Variants in RPL10A observed in about 807,000 individuals in gnomAD.
RPL10A encodes ribosomal protein L10a.
Under a neutral mutation model 24.6 loss-of-function variants are expected in RPL10A, and 11 were observed. The ratio of observed to expected loss-of-function variants is 0.45; its 90% CI spans 0.28 to 0.74. The LOEUF (loss-of-function observed/expected upper bound fraction) is 0.74, where lower values mean the gene tolerates loss of function less well. Among genes scored for constraint, RPL10A ranks in the 30% least tolerant of loss-of-function variants. The pLI is 0.13. For synonymous variants in RPL10A, 98 were observed against 108.5 expected (o/e 0.90, Z 0.60); for missense variants, 136 against 273.1 (o/e 0.50, Z 3.54).
rs1767995877 is a variant in RPL10A, at chr6:35,470,093, T to A, written c.311-86T>A. 7.9e-6 allele frequency: 10 copies of A among 1,272,148 alleles called. No homozygotes were observed. The highest frequency in any genetic ancestry group is 1.0e-5 in the Non-Finnish European group (9 of 901,026). The allele number at this position is 1,272,148 out of a possible 1,614,324, so 78.8% of individuals were successfully genotyped here. A position where few individuals can be genotyped will look rare whatever the true frequency, so the allele number is the denominator to read the frequency against. ...CTTGGAGGTCACTTACATGATTGAT[T>A]CAAGTGCGTTTCTGGCCTGCCACAT... On this transcript the variant is annotated intron_variant, in intron 4 of 5. Transcript: ENST00000322203. This position sits in a 1 kb window ranked among gnomAD's most constrained non-coding sequence, Gnocchi z 4.6.
Position 35,470,169 on chromosome 6 carries a change from T to C in RPL10A, c.311-10T>C, listed in dbSNP as rs566943394. The C allele has an allele frequency of 4.0e-5, 64 of 1,609,330 alleles. No homozygotes were observed. In the Middle Eastern group the frequency reaches 8.3e-4, roughly 21 times the overall value. On this transcript the variant is annotated splice_polypyrimidine_tract_variant and intron_variant, in intron 4 of 5. Coordinates refer to ENST00000322203, the MANE Select transcript of RPL10A (RefSeq NM_007104.5). The surrounding 1 kb of genome is among the most constrained non-coding windows in gnomAD (Gnocchi z 4.6). ...TCTAAGCAATGCCAATGGCTTCCTC[T>C]CTCTATCAGCCAAGAAGTATGATGC...
chr6:35,468,551 G>GCGCCACCTGC, intron 1 of RPL10A, 112 bp downstream of exon 1: 1 of 1,604,790 alleles, frequency 6.2e-7, no homozygotes, highest in Non-Finnish European at 8.5e-7. Flanking sequence ...TGCGCCGCGG[G>GCGCCACCTGC]GCATTTCTCA....
chr6:35,469,839 G>A (rs1767988142), intron 4 of RPL10A, among the ~76,000 whole-genome samples: 1 of 152,174 alleles, frequency 6.6e-6, no homozygotes, highest in African/African-American at 2.4e-5. Flanking sequence ...CAGGTAGGAA[G>A]CAGACATTCC....
intron 1 of RPL10A, 44 bp downstream of exon 1, chr6:35,468,483 C>A (rs763489076): frequency 5.6e-6 from 9 of 1,613,546 alleles, no homozygotes; most frequent in Non-Finnish European, 7.6e-6. Flanking sequence ...TCCGCGCCTT[C>A]AGGTGCCCCG....
intron 2 of RPL10A, 32 bp from the exon 3 acceptor site, chr6:35,468,915 G>T (rs1437703123): frequency 1.2e-6 from 2 of 1,613,582 alleles, no homozygotes; most frequent in Non-Finnish European, 1.7e-6. Flanking sequence ...GGCGAGGGCC[G>T]GCGGGTGCTT....
intron 2 of RPL10A, 36 bp downstream of exon 2, chr6:35,468,909 A>G (rs1767952805): frequency 6.2e-7 from 1 of 1,613,334 alleles, no homozygotes; most frequent in African/African-American, 1.3e-5. Flanking sequence ...GCGGGTGGCG[A>G]GGGCCGGCGG....
rs765683853 is a variant in RPL10A, at chr6:35,470,509, T to G, written c.484-71T>G. The G allele has an allele frequency of 3.3e-6, 5 of 1,532,840 alleles. No homozygotes were observed. Among genetic ancestry groups the G allele is most frequent in the Non-Finnish European group, 4.5e-6 (5 of 1,118,874 alleles). The allele number at this position is 1,532,840 out of a possible 1,614,324, so 95.0% of individuals were successfully genotyped here. A position where few individuals can be genotyped will look rare whatever the true frequency, so the allele number is the denominator to read the frequency against. On this transcript the variant is annotated intron_variant, in intron 5 of 5. Coordinates refer to ENST00000322203, the MANE Select transcript of RPL10A (RefSeq NM_007104.5). The surrounding 1 kb of genome is among the most constrained non-coding windows in gnomAD (Gnocchi z 4.6). Reference sequence around the variant, plus strand: ...TCCAAGTACCTGCTCACCAGGCCACTGGGGGAGGAAGGACAGGCCATCTGC... The same window carrying G: ...TCCAAGTACCTGCTCACCAGGCCACGGGGGGAGGAAGGACAGGCCATCTGC...
chr6:35,469,061 T>C, intron 3 of RPL10A, 34 bp downstream of exon 3: 1 of 1,608,918 alleles, frequency 6.2e-7, no homozygotes, highest in South Asian at 1.1e-5. Context: ...CAGCCCTCAG[T>C]GCCCCCGTGC....
chr6:35,469,177 C>T (rs1561799572), intron 3 of RPL10A, 150 bp downstream of exon 3: 1 of 1,468,324 alleles, frequency 6.8e-7, no homozygotes. Context: ...GCTGGACGGA[C>T]CCCCACCCTG....
Position 35,468,847 on chromosome 6 carries a change from G to A in RPL10A, c.54G>A (p.Leu18=), listed in dbSNP as rs376795337. ...DTLYEAVREV[L]HGNQRKRRKF... is the part of the protein sequence containing the mutation. ...TGTACGAGGCGGTGCGGGAAGTCCT[G>A]CACGGGAACCAGCGCAAGCGCCGCA... The change falls in exon 2 of 6, where the codon CTG becomes CTA. Residue 18 remains leucine, a synonymous_variant. Transcript: ENST00000322203. 315 of 1,612,166 alleles carry A rather than the reference G, an allele frequency of 2.0e-4. 1 individual carries two copies. In the South Asian group the frequency reaches 3.0e-3, roughly 15 times the overall value.
intron 1 of RPL10A, 152 bp downstream of exon 1, chr6:35,468,591 T>A: frequency 6.4e-7 from 1 of 1,564,014 alleles, no homozygotes; most frequent in Non-Finnish European, 8.6e-7. Flanking sequence ...TCGCCCTTCC[T>A]ACCAGGTCCG....
intron 1 of RPL10A, 173 bp downstream of exon 1, chr6:35,468,612 G>A (rs1462866128): frequency 6.5e-7 from 1 of 1,536,212 alleles, no homozygotes; most frequent in Non-Finnish European, 8.7e-7. Context: ...ATCACTGAGA[G>A]CCTCCCTCTT....
intron 3 of RPL10A, 36 bp downstream of exon 3, chr6:35,469,063 C>T (rs1329033326): frequency 4.4e-6 from 7 of 1,608,306 alleles, no homozygotes; most frequent in Middle Eastern, 2.2e-4. Flanking sequence ...GCCCTCAGTG[C>T]CCCCGTGCTT....
At position 35,469,454 on chromosome 6, in the gene RPL10A, G is replaced by T. The variant is rs745864530; in HGVS notation, c.235G>T (p.Ala79Ser). The T allele has an allele frequency of 1.9e-6, 3 of 1,613,718 alleles. No individual in the cohort carries two copies. The highest frequency in any genetic ancestry group is 2.5e-6 in the Non-Finnish European group (3 of 1,179,946). The change falls in exon 4 of 6, where the codon GCC becomes TCC. Residue 79 changes from alanine to serine, a missense_variant. Physicochemically the swap from Ala to Ser is moderately conservative, Grantham distance 99 (BLOSUM62 1). Transcript: ENST00000322203. ...CCAGCAGCACTGTGACGAGGCTAAG[G>T]CCGTGGATATCCCCCACATGGACAT... ...GDQQHCDEAK[A>S]VDIPHMDIEA...
Position 35,470,678 on chromosome 6 carries a change from C to A in RPL10A, c.582C>A (p.Leu194=). 1.2e-6 allele frequency: 2 copies of A among 1,612,124 alleles called. No homozygotes were observed. Among genetic ancestry groups the A allele is most frequent in the Non-Finnish European group, 1.7e-6 (2 of 1,180,000 alleles). The part of the protein sequence containing the change: ...HLAVNFLVSL[L]KKNWQNVRAL... ...CTGTCAACTTCTTGGTGTCATTGCT[C>A]AAGAAAAACTGGCAGAATGTCCGGG... is the stretch of plus-strand genomic sequence containing the variant. Residue 194 remains leucine (L), a synonymous_variant, in exon 6 of 6, where the codon CTC becomes CTA. Transcript: ENST00000322203. The surrounding 1 kb of genome is among the most constrained non-coding windows in gnomAD (Gnocchi z 4.6).
chr6:35,468,606 C>CT, intron 1 of RPL10A, 167 bp downstream of exon 1: 1 of 1,541,884 alleles, frequency 6.5e-7, no homozygotes, highest in Non-Finnish European at 8.7e-7. Flanking sequence ...GGTCCGATCA[C>CT]TGAGAGCCTC....
intron 3 of RPL10A, 92 bp downstream of exon 3, chr6:35,469,119 G>A: frequency 6.4e-7 from 1 of 1,566,918 alleles, no homozygotes; most frequent in Non-Finnish European, 8.6e-7. Context: ...GGGCACGTCG[G>A]TACTGATGTG....
chr6:35,470,576 C>T lies in RPL10A; in HGVS notation c.484-4C>T, dbSNP rs1271042558. ...TGACTTGATCCTCTCTTCCCTCCTC[C>T]CAGGTGTTATGTCTGGCTGTAGCTG... On this transcript the variant is annotated splice_region_variant and splice_polypyrimidine_tract_variant and intron_variant, in intron 5 of 5. Transcript: ENST00000322203. The surrounding 1 kb of genome is among the most constrained non-coding windows in gnomAD (Gnocchi z 4.6). 1.9e-6 allele frequency: 3 copies of T among 1,609,790 alleles called. No homozygotes were observed. Among genetic ancestry groups the T allele is most frequent in the African/African-American group, 2.7e-5 (2 of 74,956 alleles).
chr6:35,468,527 A>G (rs940706581), intron 1 of RPL10A, 88 bp downstream of exon 1: 2 of 1,609,474 alleles, frequency 1.2e-6, no homozygotes, highest in Non-Finnish European at 1.7e-6. Flanking sequence ...CGCGCCGCGG[A>G]CCCTTGCGCC....
Sources: allele counts gnomAD v4.1 joint callset (sites outside exome capture counted in the v4.1 genomes callset), GRCh38; gene constraint gnomAD v4.1.1; non-coding constraint Gnocchi (gnomAD v3.1); transcripts MANE v1.5; gene names NCBI Gene and HGNC (gene_info 2026-07-23, HGNC 2026-07-21).